PRPS2: variants seen among roughly 807,000 people sequenced by gnomAD.
The protein encoded by PRPS2 is phosphoribosyl pyrophosphate synthetase 2, also known as ribose-phosphate pyrophosphokinase 2.
For synonymous variants in PRPS2, 111 were observed against 115.3 expected, an observed-to-expected ratio of 0.96 and a Z score of 0.24; for missense variants, 104 against 271.5, an observed-to-expected ratio of 0.38 and a Z score of 4.34.
At chrX:12,808,288 C>CTG (rs60881280) in intron 2 of PRPS2, among the ~76,000 whole-genome samples, 3,212 of 102,333 alleles carry the variant, frequency 0.031, 100 homozygotes, top group African/African-American at 0.1. Context: ...CATGAATATA[C>CTG]TGTGTGTGTG....
Position 12,823,050 on chromosome X carries a change from C to A in PRPS2, c.*254C>A. ...ATGAGAAACGTTTTTGTCATTTTGACTTTTAACAGGTACAGGTGATCTCTT... is the reference window on the plus strand; with the variant it reads ...ATGAGAAACGTTTTTGTCATTTTGAATTTTAACAGGTACAGGTGATCTCTT... On this transcript the variant is annotated 3_prime_UTR_variant, in exon 7 of 7. Transcript: ENST00000380668. The A allele has an allele frequency of 3.1e-6, 1 of 323,221 alleles. No individual in the cohort carries two copies. The highest frequency in any genetic ancestry group is 5.3e-6 in the Non-Finnish European group (1 of 187,023). 26.6% of individuals were successfully genotyped at this position (323,221 alleles called of 1,213,427 possible). A position where few individuals can be genotyped will look rare whatever the true frequency, so the allele number is the denominator to read the frequency against.
At position 12,823,034 on chromosome X, in the gene PRPS2, G is replaced by GT. The variant is rs1293050044; in HGVS notation, c.*243dup. On this transcript the variant is annotated 3_prime_UTR_variant, in exon 7 of 7. Coordinates refer to ENST00000380668, the MANE Select transcript of PRPS2 (RefSeq NM_002765.5). ...AAGTGAACTGTCTTAAATGAGAAAC[G>GT]TTTTTGTCATTTTGACTTTTAACAG... is the stretch of plus-strand genomic sequence containing the variant. The GT allele has an allele frequency of 7.1e-5, 24 of 337,438 alleles. No homozygotes were observed. The highest frequency in any genetic ancestry group is 1.5e-5 in the Non-Finnish European group (3 of 197,111). The allele number at this position is 337,438 out of a possible 1,213,427, so 27.8% of individuals were successfully genotyped here.
intron 2 of PRPS2, among the ~76,000 whole-genome samples, chrX:12,807,646 G>A (rs1420981993): frequency 2.7e-5 from 3 of 111,115 alleles, no homozygotes; most frequent in South Asian, 3.8e-4. Flanking sequence ...GTTCTGCTGC[G>A]AAAATTCGAT....
chrX:12,802,165 T>C (rs1439718685), intron 2 of PRPS2, among the ~76,000 whole-genome samples: 2 of 111,702 alleles, frequency 1.8e-5, no homozygotes, highest in Non-Finnish European at 1.9e-5. Context: ...TTCAAAATGT[T>C]TTCTTATTTG....
Position 12,808,158 on chromosome X carries a change from C to T in PRPS2, c.307-1076C>T, listed in dbSNP as rs143071658. Among the ~76,000 whole-genome samples the T allele has an allele frequency of 1.8e-3, 195 of 111,160 alleles. 2 individuals are homozygous for T. The East Asian group carries it at 0.041, about 23-fold the overall frequency. Reference sequence around the variant, plus strand: ...CTGAGATTACAGGCGTGAGCCACCGCGCCCCATATATACCTATTTTTGATA... The same window carrying T: ...CTGAGATTACAGGCGTGAGCCACCGTGCCCCATATATACCTATTTTTGATA... On this transcript the variant is annotated intron_variant, in intron 2 of 6. Coordinates refer to ENST00000380668, the MANE Select transcript of PRPS2 (RefSeq NM_002765.5).
At chrX:12,792,104 T>G (rs1341685264) in intron 1 of PRPS2, among the ~76,000 whole-genome samples, 1 of 112,608 alleles carries the variant, frequency 8.9e-6, no homozygotes, top group Non-Finnish European at 1.9e-5. Context: ...ACTAAAGGTT[T>G]CCCCCCGTCC....
intron 6 of PRPS2, 116 bp from the exon 7 acceptor site, chrX:12,822,588 C>A: frequency 1.5e-6 from 1 of 673,982 alleles, no homozygotes; most frequent in Non-Finnish European, 2.4e-6. Context: ...TTGATAGCAA[C>A]ACATCATGTA....
intron 4 of PRPS2, among the ~76,000 whole-genome samples, chrX:12,816,871 G>C (rs968214325): frequency 2.7e-5 from 3 of 111,432 alleles, no homozygotes; most frequent in Non-Finnish European, 5.6e-5. Flanking sequence ...CTTCTGGAAA[G>C]GCAGTTTTGC....
intron 1 of PRPS2, among the ~76,000 whole-genome samples, chrX:12,792,925 G>A (rs978935029): frequency 8.9e-6 from 1 of 112,262 alleles, no homozygotes; most frequent in African/African-American, 3.2e-5. Flanking sequence ...TGAATCTTAC[G>A]TGACTTCTTC....
At chrX:12,804,837 T>C (rs1308054915) in intron 2 of PRPS2, among the ~76,000 whole-genome samples, 6 of 111,618 alleles carry the variant, frequency 5.4e-5, no homozygotes, top group African/African-American at 2.0e-4. Flanking sequence ...CAGGAGGAGC[T>C]CTGGGCAGCC....
intron 1 of PRPS2, among the ~76,000 whole-genome samples, chrX:12,797,282 T>G (rs1430954977): frequency 9.1e-6 from 1 of 109,653 alleles, no homozygotes; most frequent in Non-Finnish European, 1.9e-5. Context: ...CACTTGAACC[T>G]GGGTGGCAGA....
chrX:12,793,740 C>T (rs1294791925), intron 1 of PRPS2, among the ~76,000 whole-genome samples: 1 of 112,490 alleles, frequency 8.9e-6, no homozygotes, highest in Non-Finnish European at 1.9e-5. Flanking sequence ...GTAAGGGCCC[C>T]TTCTTGAATC....
At chrX:12,792,873 G>A (rs2042526596) in intron 1 of PRPS2, among the ~76,000 whole-genome samples, 1 of 112,401 alleles carries the variant, frequency 8.9e-6, no homozygotes, top group Admixed American at 9.4e-5. Context: ...AATACTGATG[G>A]GGAAGATGCT....
At chrX:12,818,185 A>G (rs1294241950) in intron 4 of PRPS2, among the ~76,000 whole-genome samples, 1 of 109,399 alleles carries the variant, frequency 9.1e-6, no homozygotes, top group Admixed American at 9.8e-5. Context: ...CCTGGCCAAC[A>G]TGGAGAAACC....
At chrX:12,808,288 CTGTG>C (rs60881280) in intron 2 of PRPS2, among the ~76,000 whole-genome samples, 30 of 102,417 alleles carry the variant, frequency 2.9e-4, no homozygotes, top group African/African-American at 3.9e-4. Flanking sequence ...CATGAATATA[CTGTG>C]TGTGTGTGTG....
At chrX:12,817,388 A>G (rs1432452474) in intron 4 of PRPS2, among the ~76,000 whole-genome samples, 2 of 106,836 alleles carry the variant, frequency 1.9e-5, no homozygotes, top group East Asian at 3.0e-4. Flanking sequence ...TGCATTTTTA[A>G]GAGTTTAAAA....
At chrX:12,820,259 G>C (rs963979573) in intron 5 of PRPS2, among the ~76,000 whole-genome samples, 2 of 112,378 alleles carry the variant, frequency 1.8e-5, no homozygotes, top group Non-Finnish European at 3.8e-5. Flanking sequence ...GTTTAAACAG[G>C]TGGTTCTCAA....
intron 4 of PRPS2, among the ~76,000 whole-genome samples, chrX:12,816,702 A>C (rs2042649404): frequency 9.0e-6 from 1 of 111,626 alleles, no homozygotes; most frequent in Admixed American, 9.5e-5. Context: ...ATATTGATCA[A>C]TATCTTTGCT....
At chrX:12,807,502 C>T (rs1351380186) in intron 2 of PRPS2, among the ~76,000 whole-genome samples, 1 of 112,309 alleles carries the variant, frequency 8.9e-6, no homozygotes, top group Non-Finnish European at 1.9e-5. Flanking sequence ...TTTTTATTAT[C>T]CTGGAACTTT....
Sources: gnomAD v4.1 joint callset for allele counts (sites outside exome capture counted in the v4.1 genomes callset) on GRCh38, gnomAD v4.1.1 for gene constraint, MANE v1.5 for transcripts, NCBI Gene and HGNC (gene_info 2026-07-23, HGNC 2026-07-21) for gene names.